Variants in UTRN observed in about 807,000 individuals in gnomAD.
UTRN encodes the protein utrophin.
Under a neutral mutation model 463.9 loss-of-function variants are expected in UTRN, and 283 were observed. The ratio of observed to expected loss-of-function variants is 0.61; its 90% CI spans 0.55 to 0.67. The LOEUF is 0.67. UTRN is among the 30% of genes least tolerant of loss of function. UTRN has a pLI of 0.00. For missense variants in UTRN, 3,922 were observed against 4,084.3 expected, an observed-to-expected ratio of 0.96 and a Z score of 1.08; for synonymous variants, 1,442 against 1,431.5, an observed-to-expected ratio of 1.01 and a Z score of -0.17.
Position 144,474,706 on chromosome 6 carries a change from G to A in UTRN, c.3283G>A (p.Val1095Met). The A allele has an allele frequency of 1.9e-6, 3 of 1,614,060 alleles. No individual in the cohort carries two copies. Among genetic ancestry groups the A allele is most frequent in the East Asian group, 2.2e-5 (1 of 44,868 alleles). Residue 1095 changes from valine to methionine, a missense_variant, in exon 25 of 75, where the codon GTG becomes ATG. Coordinates refer to ENST00000367545, the MANE Select transcript of UTRN (RefSeq NM_007124.3). ...TCCAGTTGCTGGAATAAAAACTTGGGTGCAGACAAGACTAGGTGACTACCA... is the reference window on the plus strand; with the variant it reads ...TCCAGTTGCTGGAATAAAAACTTGGATGCAGACAAGACTAGGTGACTACCA... ...SGPVAGIKTW[V>M]QTRLGDYQTQ...
Position 144,438,757 on chromosome 6 carries a change from G to T in UTRN, c.1254G>T (p.Val418=). 1 of 1,614,182 alleles carries T rather than the reference G, an allele frequency of 6.2e-7. No homozygotes were observed. The highest frequency in any genetic ancestry group is 8.5e-7 in the Non-Finnish European group (1 of 1,180,040). ...TCCCCACGGACAGGCTGCACGATGT[G>T]CTGATGGAACTGCAGAAGAAGCAAC... ...SMDRQSRLHD[V]LMELQKKQLQ... Residue 418 remains valine, a synonymous_variant, in exon 12 of 75, where the codon GTG becomes GTT. Coordinates refer to ENST00000367545, the MANE Select transcript of UTRN (RefSeq NM_007124.3).
chr6:144,512,794 G>T (rs1027345626), intron 35 of UTRN, among the ~76,000 whole-genome samples: 8 of 151,898 alleles, frequency 5.3e-5, no homozygotes, highest in African/African-American at 1.9e-4. Context: ...TCCCATCAGG[G>T]CCTCCCAAAG....
At chr6:144,772,127 G>A (rs192415360) in intron 59 of UTRN, among the ~76,000 whole-genome samples, 159 bp downstream of exon 59, 4 of 136,186 alleles carry the variant, frequency 2.9e-5, no homozygotes, top group African/African-American at 5.5e-5. Flanking sequence ...TCTGCCTCCC[G>A]GATTCAAGCA....
intron 51 of UTRN, among the ~76,000 whole-genome samples, chr6:144,597,905 A>G (rs1803823579): frequency 6.6e-6 from 1 of 152,180 alleles, no homozygotes; most frequent in Non-Finnish European, 1.5e-5. Flanking sequence ...TACATTTTAA[A>G]CTTCTTTATA....
chr6:144,465,462 T>G (rs1789855891), intron 23 of UTRN, among the ~76,000 whole-genome samples: 1 of 152,216 alleles, frequency 6.6e-6, no homozygotes, highest in African/African-American at 2.4e-5. Flanking sequence ...GGTGTGTGTC[T>G]GGATATGTAA....
chr6:144,782,718 T>C (rs1173279043), intron 61 of UTRN, among the ~76,000 whole-genome samples: 1 of 152,042 alleles, frequency 6.6e-6, no homozygotes, highest in Non-Finnish European at 1.5e-5. Context: ...TACTCACTGT[T>C]CATAAAGCAC....
intron 66 of UTRN, among the ~76,000 whole-genome samples, chr6:144,824,134 A>G (rs1779833166): frequency 6.6e-6 from 1 of 152,146 alleles, no homozygotes; most frequent in African/African-American, 2.4e-5. Flanking sequence ...AAAACTATCA[A>G]CAATGGCAAG....
intron 65 of UTRN, among the ~76,000 whole-genome samples, chr6:144,811,105 G>A (rs889322045): frequency 2.0e-5 from 3 of 151,844 alleles, no homozygotes. Flanking sequence ...AAGATAAATT[G>A]TGCCTTTTTT....
chr6:144,492,079 T>C (rs1793128093), intron 32 of UTRN, among the ~76,000 whole-genome samples: 1 of 152,220 alleles, frequency 6.6e-6, no homozygotes, highest in Non-Finnish European at 1.5e-5. Flanking sequence ...TACATGGATA[T>C]ATTGTATGAT....
Position 144,533,404 on chromosome 6 carries a change from C to T in UTRN, c.6233+144C>T, listed in dbSNP as rs964563410. ...ATTTAAGACCTCCACTGCCCACGTT[C>T]TCCCTTCCTGTATTTTTAGGCTGTC... On this transcript the variant is annotated intron_variant, in intron 43 of 74. Coordinates refer to ENST00000367545, the MANE Select transcript of UTRN (RefSeq NM_007124.3). The T allele has an allele frequency of 1.0e-5, 14 of 1,371,162 alleles. No homozygotes were observed. In the East Asian group the frequency reaches 3.7e-4, roughly 36 times the overall value. 84.9% of individuals were successfully genotyped at this position (1,371,162 alleles called of 1,614,324 possible). A position where few individuals can be genotyped will look rare whatever the true frequency, so the allele number is the denominator to read the frequency against.
chr6:144,307,330 A>G (rs534904764), intron 2 of UTRN, among the ~76,000 whole-genome samples: 8 of 152,274 alleles, frequency 5.3e-5, no homozygotes, highest in Middle Eastern at 3.4e-3. Flanking sequence ...TTGGGGAGGG[A>G]GAGAAGAGGT....
At position 144,548,680 on chromosome 6, in the gene UTRN, G is replaced by C; in HGVS notation, c.6636G>C (p.Ala2212=). The C allele has an allele frequency of 6.8e-6, 11 of 1,613,828 alleles. No individual in the cohort carries two copies. Among genetic ancestry groups the C allele is most frequent in the Non-Finnish European group, 9.3e-6 (11 of 1,179,838 alleles). ...AAAAGGTGGTGCTAGTATCATCTGC[G>C]TCAGATATTCCTGTTCAGTCTCATC... ...NVQKVVLVSS[A]SDIPVQSHRT... The change falls in exon 47 of 75, where the codon GCG becomes GCC. Residue 2212 remains alanine (A), a synonymous_variant. Coordinates refer to ENST00000367545, the MANE Select transcript of UTRN (RefSeq NM_007124.3).
At chr6:144,794,296 A>G (rs1043652671) in intron 63 of UTRN, among the ~76,000 whole-genome samples, 1 of 151,974 alleles carries the variant, frequency 6.6e-6, no homozygotes, top group Non-Finnish European at 1.5e-5. Context: ...TCCGCTTTCC[A>G]GCTGCACTGT....
At chr6:144,379,435 CAGA>C (rs1462863762) in intron 2 of UTRN, among the ~76,000 whole-genome samples, 1 of 152,090 alleles carries the variant, frequency 6.6e-6, no homozygotes. Context: ...TGGCTTTTGG[CAGA>C]AGGTCTCAGT....
At chr6:144,620,503 G>A (rs1775247721) in intron 51 of UTRN, among the ~76,000 whole-genome samples, 2 of 152,022 alleles carry the variant, frequency 1.3e-5, no homozygotes, top group South Asian at 4.2e-4. Context: ...TGTATTATTT[G>A]GGAGATGTTA....
intron 51 of UTRN, among the ~76,000 whole-genome samples, chr6:144,592,991 G>A (rs979670981): frequency 1.3e-5 from 2 of 152,138 alleles, no homozygotes; most frequent in Admixed American, 6.6e-5. Context: ...AAAACTAGAA[G>A]TTGTTTGAAC....
At chr6:144,424,754 A>C (rs1785149141) in intron 6 of UTRN, among the ~76,000 whole-genome samples, 1 of 152,150 alleles carries the variant, frequency 6.6e-6, no homozygotes, top group Admixed American at 6.5e-5. Context: ...AAATGTTACC[A>C]GTTGTCTATA....
At chr6:144,676,740 A>T (rs1242509007) in intron 51 of UTRN, among the ~76,000 whole-genome samples, 2 of 152,076 alleles carry the variant, frequency 1.3e-5, no homozygotes, top group Non-Finnish European at 2.9e-5. Flanking sequence ...TTATTTCTTA[A>T]AGATGATGAA....
intron 58 of UTRN, among the ~76,000 whole-genome samples, chr6:144,771,488 C>T (rs1048620482): frequency 2.6e-4 from 40 of 152,106 alleles, no homozygotes; most frequent in Admixed American, 5.2e-4. Flanking sequence ...TGCAGTGAAA[C>T]GATCTCGGCT....
Sources: gnomAD v4.1 joint callset for allele counts (sites outside exome capture counted in the v4.1 genomes callset) on GRCh38, gnomAD v4.1.1 for gene constraint, MANE v1.5 for transcripts, NCBI Gene and HGNC (gene_info 2026-07-23, HGNC 2026-07-21) for gene names.